Variants in SORCS3 observed in about 807,000 individuals in gnomAD.
SORCS3 encodes VPS10 domain-containing receptor SorCS3.
In SORCS3, 57 loss-of-function variants were observed where a neutral mutation model predicts 146.3. That is an observed-to-expected ratio of 0.39 (90% confidence interval 0.31 to 0.49). SORCS3 has a LOEUF of 0.49. SORCS3 is among the 20% of genes least tolerant of loss of function. The pLI is 0.92. For synonymous variants in SORCS3, 653 were observed against 618.5 expected (o/e 1.06, Z -0.83); for missense variants, 1,341 against 1,575.5 (o/e 0.85, Z 2.52).
At chr10:105,104,222 T>G (rs1304386472) in intron 6 of SORCS3, among the ~76,000 whole-genome samples, 1 of 152,252 alleles carries the variant, frequency 6.6e-6, no homozygotes, top group African/African-American at 2.4e-5. Context: ...TGGTTTTAGA[T>G]AATAAGATTT....
At chr10:105,163,445 T>C (rs1229450095) in intron 11 of SORCS3, among the ~76,000 whole-genome samples, 1 of 152,208 alleles carries the variant, frequency 6.6e-6, no homozygotes, top group Non-Finnish European at 1.5e-5. Context: ...TGGAACATGA[T>C]CCAATCATTT....
intron 12 of SORCS3, among the ~76,000 whole-genome samples, chr10:105,165,091 C>G (rs147333849): frequency 1.3e-5 from 2 of 152,054 alleles, no homozygotes; most frequent in South Asian, 2.1e-4. Context: ...TTTAAATACT[C>G]TCTTATGGCT....
chr10:104,778,468 G>A (rs1184044142), intron 1 of SORCS3, among the ~76,000 whole-genome samples: 1 of 152,200 alleles, frequency 6.6e-6, no homozygotes, highest in East Asian at 1.9e-4. Context: ...CCTTGGGCAA[G>A]TCACTTATTC....
chr10:105,191,506 C>A (rs2056516783), intron 14 of SORCS3, among the ~76,000 whole-genome samples: 1 of 152,112 alleles, frequency 6.6e-6, no homozygotes, highest in Admixed American at 6.5e-5. Context: ...TGATAAACCT[C>A]ACTTAGAAAC....
At chr10:105,221,049 A>G (rs1414425502) in intron 19 of SORCS3, among the ~76,000 whole-genome samples, 2 of 152,158 alleles carry the variant, frequency 1.3e-5, no homozygotes, top group Non-Finnish European at 2.9e-5. Context: ...CACACTGTAG[A>G]TACTCTTCCT....
intron 13 of SORCS3, among the ~76,000 whole-genome samples, chr10:105,174,378 A>G (rs1388449753): frequency 6.6e-6 from 1 of 152,146 alleles, no homozygotes; most frequent in Non-Finnish European, 1.5e-5. Context: ...ATACCATTCA[A>G]TATAGAATTC....
chr10:105,045,827 A>C (rs1454492382), intron 5 of SORCS3, among the ~76,000 whole-genome samples: 1 of 152,126 alleles, frequency 6.6e-6, no homozygotes, highest in African/African-American at 2.4e-5. Flanking sequence ...CCATTGATTT[A>C]AGTACTATGT....
At chr10:105,176,837 G>A (rs2056408395) in intron 13 of SORCS3, among the ~76,000 whole-genome samples, 1 of 151,298 alleles carries the variant, frequency 6.6e-6, no homozygotes, top group Non-Finnish European at 1.5e-5. Context: ...CCTGGCAACG[G>A]AGTGAGACTC....
intron 14 of SORCS3, 59 bp from the exon 15 acceptor site, chr10:105,199,940 A>G: frequency 1.6e-6 from 2 of 1,215,362 alleles, no homozygotes; most frequent in East Asian, 2.3e-5. Flanking sequence ...TCTGTGCATT[A>G]GTGACTGACT....
chr10:104,833,315 A>C (rs1013805731), intron 1 of SORCS3, among the ~76,000 whole-genome samples: 5 of 152,190 alleles, frequency 3.3e-5, no homozygotes, highest in Admixed American at 2.6e-4. Flanking sequence ...ACCATGCACG[A>C]TGTTGAGACT....
chr10:104,744,907 T>G (rs1302031186), intron 1 of SORCS3, among the ~76,000 whole-genome samples: 1 of 152,220 alleles, frequency 6.6e-6, no homozygotes, highest in Non-Finnish European at 1.5e-5. Context: ...TTCACGGGCA[T>G]TAATCAATGG....
intron 1 of SORCS3, among the ~76,000 whole-genome samples, chr10:104,806,438 T>C (rs2017680456): frequency 6.6e-6 from 1 of 152,210 alleles, no homozygotes. Context: ...ATCATGGTAG[T>C]GGCATTGTAA....
chr10:104,807,398 T>G (rs993776206), intron 1 of SORCS3, among the ~76,000 whole-genome samples: 1 of 152,236 alleles, frequency 6.6e-6, no homozygotes, highest in African/African-American at 2.4e-5. Flanking sequence ...GAATACATTA[T>G]ATATTTCTTT....
chr10:105,178,026 A>G (rs770639268), intron 13 of SORCS3, 40 bp from the exon 14 acceptor site: 2 of 1,487,040 alleles, frequency 1.3e-6, no homozygotes, highest in South Asian at 1.1e-5. Flanking sequence ...GTGTGGCTTT[A>G]TTTTCAGCTG....
At position 104,843,779 on chromosome 10, in the gene SORCS3, C is replaced by T. The variant is rs942205820; in HGVS notation, c.695+920C>T. Among the ~76,000 whole-genome samples the T allele has an allele frequency of 5.9e-5, 9 of 152,322 alleles. No individual in the cohort carries two copies. The South Asian group carries it at 1.9e-3, about 32-fold the overall frequency. On this transcript the variant is annotated intron_variant, in intron 2 of 26. Transcript: ENST00000369701. ...GACGTGCAGTCACACTGGTCGACAG[C>T]GGGTCTTATCAGTCACTGGGACTTG...
At chr10:105,091,799 A>T (rs1383822471) in intron 6 of SORCS3, among the ~76,000 whole-genome samples, 1 of 152,140 alleles carries the variant, frequency 6.6e-6, no homozygotes, top group Non-Finnish European at 1.5e-5. Flanking sequence ...GAAGAATGAG[A>T]TGTAGGGGTT....
intron 1 of SORCS3, among the ~76,000 whole-genome samples, chr10:104,714,313 T>C (rs1006028662): frequency 4.6e-5 from 7 of 152,146 alleles, no homozygotes; most frequent in Non-Finnish European, 1.0e-4. Flanking sequence ...TAAATTACTA[T>C]TTTTCCTCTA....
intron 2 of SORCS3, among the ~76,000 whole-genome samples, chr10:104,858,318 A>G (rs1229182087): frequency 6.6e-6 from 1 of 152,208 alleles, no homozygotes; most frequent in Non-Finnish European, 1.5e-5. Flanking sequence ...TCTTGTATAA[A>G]CAGTTTTTTC....
chr10:105,091,414 C>T (rs534238576), intron 6 of SORCS3, among the ~76,000 whole-genome samples: 1 of 77,052 alleles, frequency 1.3e-5, no homozygotes, highest in Non-Finnish European at 2.6e-5. Context: ...TTCCTTCCTT[C>T]CTTCCTTCCC....
Sources: allele counts gnomAD v4.1 joint callset (sites outside exome capture counted in the v4.1 genomes callset), GRCh38; gene constraint gnomAD v4.1.1; transcripts MANE v1.5; gene names NCBI Gene and HGNC (gene_info 2026-07-23, HGNC 2026-07-21).